KIAA2012: variants seen among roughly 807,000 people sequenced by gnomAD.
The protein encoded by KIAA2012 is uncharacterized protein KIAA2012.
Under a neutral mutation model 150.6 loss-of-function variants are expected in KIAA2012, and 125 were observed. That is an observed-to-expected ratio of 0.83 (90% confidence interval 0.72 to 0.96). The LOEUF (loss-of-function observed/expected upper bound fraction) is 0.96, where lower values mean the gene tolerates loss of function less well. Ranked by LOEUF, KIAA2012 falls within the 40% of genes least tolerant of loss-of-function variation. The pLI is 0.00. For synonymous variants in KIAA2012, 462 were observed against 504.7 expected (o/e 0.92, Z 1.13); for missense variants, 1,219 against 1,354.9 (o/e 0.90, Z 1.57).
In KIAA2012 at chr2:202,176,230, C is replaced by T. The variant is rs778471999; in HGVS notation, c.2120-8523C>T. Among the ~76,000 whole-genome samples the T allele has an allele frequency of 3.5e-4, 53 of 150,026 alleles. 1 individual carries two copies. The highest frequency in any genetic ancestry group is 5.9e-4 in the Non-Finnish European group (40 of 67,758). ...TTTTTTTTTTTTTGGGACGGAGTCT[C>T]GCTCTATTGCCCAGAAAGTGCAATG... On this transcript the variant is annotated intron_variant, in intron 15 of 23. Coordinates refer to ENST00000498697, the MANE Select transcript of KIAA2012 (RefSeq NM_001277372.4).
chr2:202,197,213 G>C (rs1574318679), intron 22 of KIAA2012, 194 bp downstream of exon 22: 2 of 864,734 alleles, frequency 2.3e-6, no homozygotes, highest in Admixed American at 5.8e-5. Context: ...TAATGAAGTT[G>C]TAATGAATCT....
At chr2:202,178,304 G>A (rs992323528) in intron 15 of KIAA2012, among the ~76,000 whole-genome samples, 1 of 152,178 alleles carries the variant, frequency 6.6e-6, no homozygotes, top group Non-Finnish European at 1.5e-5. Context: ...TTCCTATACT[G>A]TGAACGCTTA....
chr2:202,180,020 T>G, intron 15 of KIAA2012: 1 of 486,986 alleles, frequency 2.1e-6, no homozygotes, highest in Middle Eastern at 6.9e-4. Flanking sequence ...GCCTGTAATC[T>G]CAGCACTTTG....
intron 2 of KIAA2012, among the ~76,000 whole-genome samples, chr2:202,080,066 G>T (rs553116795): frequency 4.3e-4 from 65 of 152,260 alleles, no homozygotes; most frequent in African/African-American, 1.5e-3. Context: ...AACCTAAGTG[G>T]TGAAGCTAGA....
chr2:202,103,166 C>T (rs1283527393), intron 8 of KIAA2012, 52 bp downstream of exon 8: 28 of 1,515,492 alleles, frequency 1.8e-5, no homozygotes, highest in Non-Finnish European at 2.3e-5. Context: ...GATGGGGGGT[C>T]CTGCCACTTC....
At position 202,123,620 on chromosome 2, in the gene KIAA2012, A is replaced by C. The variant is rs902389554; in HGVS notation, c.1763-1594A>C. On this transcript the variant is annotated intron_variant, in intron 11 of 23. Transcript: ENST00000498697. ...CCCCACCGCAGTTTAGCAAATCAGT[A>C]AAACCCAAACATTCTTTCTTGGCAT... 6.6e-5 allele frequency among the ~76,000 whole-genome samples: 10 copies of C among 152,174 alleles called. 1 individual carries two copies.
rs1489514590 is a variant in KIAA2012, at chr2:202,104,209, C to CTG, written c.1324+1098_1324+1099dup. ...TATAGATTTGTCAAAACTCATTGAA[C>CTG]TGTGCACTTAAGATCTGTGCGATTC... is the stretch of plus-strand genomic sequence containing the variant. On this transcript the variant is annotated intron_variant, in intron 8 of 23. Coordinates refer to ENST00000498697, the MANE Select transcript of KIAA2012 (RefSeq NM_001277372.4). The surrounding 1 kb of genome is among the most constrained non-coding windows in gnomAD (Gnocchi z 4.3). Among the ~76,000 whole-genome samples, 1 of 152,142 alleles carries CTG rather than the reference C, an allele frequency of 6.6e-6. No homozygotes were observed. The highest frequency in any genetic ancestry group is 1.5e-5 in the Non-Finnish European group (1 of 68,032).
At chr2:202,197,371 C>T in intron 22 of KIAA2012, 1 of 300,098 alleles carries the variant, frequency 3.3e-6, no homozygotes, top group South Asian at 4.8e-5. Flanking sequence ...ATTTCGAACC[C>T]ACTGCCTGTC....
chr2:202,102,581 C>T (rs1258566562), intron 7 of KIAA2012, among the ~76,000 whole-genome samples: 1 of 152,146 alleles, frequency 6.6e-6, no homozygotes, highest in Admixed American at 6.5e-5. Flanking sequence ...TTGCTTTTTC[C>T]CTTAACAGCA....
intron 15 of KIAA2012, chr2:202,179,358 T>C (rs1559229986): frequency 4.4e-6 from 4 of 919,090 alleles, no homozygotes; most frequent in African/African-American, 1.6e-5. Context: ...CTTGTCCGGA[T>C]TGAATATGCT....
intron 21 of KIAA2012, among the ~76,000 whole-genome samples, chr2:202,196,320 G>A (rs1355164742): frequency 1.4e-5 from 2 of 147,216 alleles, no homozygotes; most frequent in Non-Finnish European, 3.0e-5. Flanking sequence ...TCAGCCTCCC[G>A]AGTAGCTGGG....
At chr2:202,146,720 G>A (rs1012084070) in intron 13 of KIAA2012, among the ~76,000 whole-genome samples, 1 of 151,550 alleles carries the variant, frequency 6.6e-6, no homozygotes, top group African/African-American at 2.4e-5. Flanking sequence ...GATTGCTTGA[G>A]CCTGGGAGGT....
At chr2:202,102,434 CTTATAAGGTAAGTAGT>C (rs1690070089) in intron 7 of KIAA2012, among the ~76,000 whole-genome samples, 1 of 152,142 alleles carries the variant, frequency 6.6e-6, no homozygotes, top group Non-Finnish European at 1.5e-5. Context: ...TTACAACAAC[CTTATAAGGTAAGTAGT>C]ATGATTACTC....
Position 202,105,897 on chromosome 2 carries a change from ACT to A in KIAA2012, c.1465_1466del (p.Ser489ThrfsTer4). ...TCCCAGTGGACGCGAGCAGGGACACACTCTCACCTCAAGGTAGCTCCTCCCTC... is the reference window on the plus strand; with the variant it reads ...TCCCAGTGGACGCGAGCAGGGACACACTCACCTCAAGGTAGCTCCTCCCTC... ...HLPVDASRDT[L>X]SPQDDDAPPH... On this transcript the variant is annotated frameshift_variant, in exon 9 of 24. Transcript: ENST00000498697. LOFTEE classifies it high-confidence loss of function. 6 of 1,550,558 alleles carry A rather than the reference ACT, an allele frequency of 3.9e-6. No individual in the cohort carries two copies. Among genetic ancestry groups the A allele is most frequent in the Non-Finnish European group, 5.2e-6 (6 of 1,146,992 alleles).
chr2:202,098,037 A>G (rs1239836218), intron 5 of KIAA2012, among the ~76,000 whole-genome samples: 1 of 152,210 alleles, frequency 6.6e-6, no homozygotes, highest in Admixed American at 6.5e-5. Context: ...TGTCACCTAT[A>G]GAACTGTAGC....
chr2:202,088,366 C>CT (rs1272133812), intron 2 of KIAA2012, among the ~76,000 whole-genome samples: 1 of 152,234 alleles, frequency 6.6e-6, no homozygotes, highest in Admixed American at 6.5e-5. Flanking sequence ...TCACCACCTA[C>CT]TATGTGCATT....
chr2:202,144,518 GA>G (rs929012974), intron 13 of KIAA2012, among the ~76,000 whole-genome samples: 1 of 148,150 alleles, frequency 6.7e-6, no homozygotes, highest in African/African-American at 2.5e-5. Context: ...ACATGCACAC[GA>G]AAAAAAAACA....
chr2:202,119,197 G>C (rs1690600347), intron 11 of KIAA2012, among the ~76,000 whole-genome samples: 1 of 151,932 alleles, frequency 6.6e-6, no homozygotes, highest in Non-Finnish European at 1.5e-5. Context: ...ACTTGAACCT[G>C]GGAGGCAGAG....
At chr2:202,114,891 A>T (rs1690475838) in intron 11 of KIAA2012, 1 of 156,700 alleles carries the variant, frequency 6.4e-6, no homozygotes, top group African/African-American at 2.4e-5. Context: ...CTGCATGCTT[A>T]TTGAATGAAT....
Sources: gnomAD v4.1 joint callset for allele counts (sites outside exome capture counted in the v4.1 genomes callset) on GRCh38, gnomAD v4.1.1 for gene constraint, Gnocchi (gnomAD v3.1) non-coding constraint, MANE v1.5 for transcripts, NCBI Gene and HGNC (gene_info 2026-07-23, HGNC 2026-07-21) for gene names.